ELOVL6: variants seen among roughly 807,000 people sequenced by gnomAD.
The protein encoded by ELOVL6 is very long chain fatty acid elongase 6.
Under a neutral mutation model 31.7 loss-of-function variants are expected in ELOVL6, and 8 were observed. The ratio of observed to expected loss-of-function variants is 0.25; its 90% CI spans 0.15 to 0.45. The LOEUF (loss-of-function observed/expected upper bound fraction) is 0.45. ELOVL6 is among the 20% of genes least tolerant of loss of function. The pLI is 1.00. For synonymous variants in ELOVL6, 101 were observed against 117.7 expected (o/e 0.86, Z 0.92); for missense variants, 126 against 326.4 (o/e 0.39, Z 4.73).
At position 110,055,450 on chromosome 4, in the gene ELOVL6, T is replaced by C. The variant is rs200022821; in HGVS notation, c.374-3688A>G. On this transcript the variant is annotated intron_variant, in intron 3 of 3. Coordinates refer to ENST00000302274, the MANE Select transcript of ELOVL6 (RefSeq NM_024090.3). Reference sequence around the variant, plus strand: ...GTCATTTTAGCTACCTCCTGGCTCATGTTCTCTGTATCATGATTTCTCTAA... The same window carrying C: ...GTCATTTTAGCTACCTCCTGGCTCACGTTCTCTGTATCATGATTTCTCTAA... Among the ~76,000 whole-genome samples the C allele has an allele frequency of 3.3e-5, 5 of 152,230 alleles. No individual in the cohort carries two copies. In the East Asian group the frequency reaches 9.6e-4, roughly 29 times the overall value.
At chr4:110,089,752 T>C (rs1398547240) in intron 2 of ELOVL6, among the ~76,000 whole-genome samples, 1 of 152,226 alleles carries the variant, frequency 6.6e-6, no homozygotes, top group Non-Finnish European at 1.5e-5. Context: ...CAGCTCATTG[T>C]TGCCTCAAGA....
chr4:110,102,939 TAGGGGGTGGGG>T (rs1438567630), intron 2 of ELOVL6, among the ~76,000 whole-genome samples: 1 of 7,124 alleles, frequency 1.4e-4, no homozygotes, highest in South Asian at 3.5e-3. Context: ...GGGGGGCGGG[TAGGGGGTGGGG>T]AGGGGCGGTA....
At chr4:110,093,333 T>C (rs72898567) in intron 2 of ELOVL6, among the ~76,000 whole-genome samples, 2,739 of 152,322 alleles carry the variant, frequency 0.018, 75 homozygotes, top group African/African-American at 0.061. Context: ...TCAGTTTTGA[T>C]GCAGAGAATC....
intron 1 of ELOVL6, among the ~76,000 whole-genome samples, chr4:110,186,816 AAAAAAAATAT>A (rs1246706128): frequency 6.5e-5 from 7 of 107,648 alleles, no homozygotes; most frequent in South Asian, 6.0e-4. Context: ...AAAAAAAAAA[AAAAAAAATAT>A]ATATATATAT....
chr4:110,081,615 T>C lies in ELOVL6; in HGVS notation c.222-21861A>G, dbSNP rs376388163. Among the ~76,000 whole-genome samples the C allele has an allele frequency of 2.8e-3, 419 of 151,046 alleles. 3 individuals are homozygous for C. Among genetic ancestry groups the C allele is most frequent in the African/African-American group, 8.7e-3 (359 of 41,320 alleles). On this transcript the variant is annotated intron_variant, in intron 2 of 3. Transcript: ENST00000302274. Reference sequence around the variant, plus strand: ...ATTCAAGATGGATTAAAGACTTAAATGTTAGACCTAAAACCATAAAAACCA... The same window carrying C: ...ATTCAAGATGGATTAAAGACTTAAACGTTAGACCTAAAACCATAAAAACCA...
chr4:110,121,258 G>A (rs1175877466), intron 1 of ELOVL6, among the ~76,000 whole-genome samples: 2 of 152,186 alleles, frequency 1.3e-5, no homozygotes, highest in African/African-American at 4.8e-5. Flanking sequence ...GATGTCATTT[G>A]AGCATGTATC....
intron 2 of ELOVL6, among the ~76,000 whole-genome samples, chr4:110,065,308 A>T (rs1755268054): frequency 6.6e-6 from 1 of 152,088 alleles, no homozygotes; most frequent in Admixed American, 6.5e-5. Flanking sequence ...TGTATAAGAG[A>T]TATAGCTAAT....
At chr4:110,084,271 A>T (rs1756095055) in intron 2 of ELOVL6, among the ~76,000 whole-genome samples, 1 of 135,074 alleles carries the variant, frequency 7.4e-6, no homozygotes, top group Non-Finnish European at 1.5e-5. Context: ...CTTATATGTG[A>T]TATATAACAT....
chr4:110,148,129 A>AAAAG (rs946558209), intron 1 of ELOVL6, among the ~76,000 whole-genome samples: 1 of 150,850 alleles, frequency 6.6e-6, no homozygotes, highest in African/African-American at 2.5e-5. Context: ...AAAAAAAAAA[A>AAAAG]GCCAAATAAT....
chr4:110,168,021 A>T (rs1186415905), intron 1 of ELOVL6, among the ~76,000 whole-genome samples: 1 of 152,228 alleles, frequency 6.6e-6, no homozygotes, highest in Non-Finnish European at 1.5e-5. Flanking sequence ...TGGAAGGTAT[A>T]GTTAGAAAAC....
chr4:110,171,444 A>AAAT (rs1560855967), intron 1 of ELOVL6, among the ~76,000 whole-genome samples: 2 of 151,710 alleles, frequency 1.3e-5, no homozygotes, highest in Non-Finnish European at 2.9e-5. Flanking sequence ...ATAAATAAAT[A>AAAT]AATAGTATTA....
intron 2 of ELOVL6, among the ~76,000 whole-genome samples, chr4:110,095,333 T>G (rs1351703378): frequency 6.6e-6 from 1 of 151,940 alleles, no homozygotes; most frequent in Non-Finnish European, 1.5e-5. Flanking sequence ...AATACAAAAA[T>G]TAGCTGGGCG....
At chr4:110,129,937 T>C (rs1757620641) in intron 1 of ELOVL6, among the ~76,000 whole-genome samples, 1 of 144,332 alleles carries the variant, frequency 6.9e-6, no homozygotes, top group African/African-American at 2.6e-5. Flanking sequence ...TGTTGCTCTG[T>C]CACCAGGCTG....
At position 110,198,276 on chromosome 4, in the gene ELOVL6, A is replaced by G. The variant is rs1461913665; in HGVS notation, c.60T>C (p.Asn20=). The change falls in exon 1 of 4, where the codon AAT becomes AAC. Residue 20 remains asparagine, a synonymous_variant. Transcript: ENST00000302274. ...EYEFEKQFNE[N]EAIQWMQENW... ...TTTCCTGCATCCATTGGATGGCTTC[A>G]TTCTCGTTGAACTGCTTTTCGAATT... 6.2e-7 allele frequency: 1 copy of G among 1,611,244 alleles called. No homozygotes were observed. The highest frequency in any genetic ancestry group is 2.2e-5 in the East Asian group (1 of 44,880).
chr4:110,069,910 C>G (rs1578452423), intron 2 of ELOVL6, among the ~76,000 whole-genome samples: 1 of 152,276 alleles, frequency 6.6e-6, no homozygotes, highest in East Asian at 1.9e-4. Flanking sequence ...CCCCACCGTG[C>G]AAGATGCCTT....
At chr4:110,182,179 G>A (rs944452355) in intron 1 of ELOVL6, among the ~76,000 whole-genome samples, 7 of 152,130 alleles carry the variant, frequency 4.6e-5, no homozygotes, top group Non-Finnish European at 8.8e-5. Flanking sequence ...ACATGTAAAA[G>A]TTGTAATTCT....
chr4:110,176,152 T>G (rs1321152944), intron 1 of ELOVL6, among the ~76,000 whole-genome samples: 1 of 33,282 alleles, frequency 3.0e-5, no homozygotes, highest in African/African-American at 4.8e-5. Flanking sequence ...TGTTTCTACC[T>G]TATTTATTTA....
intron 2 of ELOVL6, among the ~76,000 whole-genome samples, chr4:110,066,864 G>A (rs1755320727): frequency 1.3e-5 from 2 of 151,912 alleles, no homozygotes; most frequent in Admixed American, 6.6e-5. Context: ...GCATCATCTA[G>A]GTTTTAAGCC....
chr4:110,130,453 C>G (rs1426373863), intron 1 of ELOVL6, among the ~76,000 whole-genome samples: 1 of 152,134 alleles, frequency 6.6e-6, no homozygotes, highest in Non-Finnish European at 1.5e-5. Flanking sequence ...AAAAAGCTGT[C>G]CTATACTTCC....
Sources: gnomAD v4.1 joint callset for allele counts (sites outside exome capture counted in the v4.1 genomes callset) on GRCh38, gnomAD v4.1.1 for gene constraint, MANE v1.5 for transcripts, NCBI Gene and HGNC (gene_info 2026-07-23, HGNC 2026-07-21) for gene names.